EYS: variants seen among roughly 807,000 people sequenced by gnomAD.
EYS encodes the protein protein eyes shut homolog.
In EYS, 250 loss-of-function variants were observed where a neutral mutation model predicts 282.1. That is an observed-to-expected ratio of 0.89 (90% CI 0.80 to 0.98). The LOEUF (loss-of-function observed/expected upper bound fraction) is 0.98, where lower values mean the gene tolerates loss of function less well. Among genes scored for constraint, EYS ranks in the 50% least tolerant of loss-of-function variants. The probability of loss-of-function intolerance (pLI) is 0.00; values close to 1 mark genes in which losing one functional copy is unlikely to be tolerated. For missense variants in EYS, 4,016 were observed against 3,709.0 expected (o/e 1.08, Z -2.15); for synonymous variants, 1,355 against 1,282.9 (o/e 1.06, Z -1.20).
At chr6:64,493,490 G>A (rs1776796128) in intron 26 of EYS, among the ~76,000 whole-genome samples, 1 of 151,448 alleles carries the variant, frequency 6.6e-6, no homozygotes. Context: ...TTCGTTAAAA[G>A]GAAATGTTAT....
intron 13 of EYS, among the ~76,000 whole-genome samples, chr6:65,002,761 C>G (rs969499795): frequency 6.8e-6 from 1 of 147,602 alleles, no homozygotes; most frequent in East Asian, 2.1e-4. Flanking sequence ...GGCAGAAGAA[C>G]GTAGATTGTG....
chr6:63,956,359 A>G (rs980367284), intron 35 of EYS, among the ~76,000 whole-genome samples: 1 of 151,998 alleles, frequency 6.6e-6, no homozygotes, highest in Non-Finnish European at 1.5e-5. Context: ...ACCCCCTTTG[A>G]CTATAATTTC....
At chr6:65,151,452 G>A (rs1257542723) in intron 12 of EYS, among the ~76,000 whole-genome samples, 3 of 151,894 alleles carry the variant, frequency 2.0e-5, no homozygotes, top group Non-Finnish European at 4.4e-5. Flanking sequence ...TCAAGATTTG[G>A]GGAACTAAGT....
intron 19 of EYS, among the ~76,000 whole-genome samples, chr6:64,845,776 A>C (rs147474496): frequency 1.1e-3 from 166 of 152,164 alleles, no homozygotes; most frequent in Middle Eastern, 0.01. Context: ...CTTCTAACAA[A>C]CATCTCATTC....
At chr6:65,432,073 A>C (rs1296488129) in intron 5 of EYS, among the ~76,000 whole-genome samples, 1 of 152,158 alleles carries the variant, frequency 6.6e-6, no homozygotes, top group Non-Finnish European at 1.5e-5. Flanking sequence ...GTTAATTAAA[A>C]TCTTATGATC....
chr6:63,763,544 T>TC (rs1769703718), intron 40 of EYS, among the ~76,000 whole-genome samples: 1 of 151,758 alleles, frequency 6.6e-6, no homozygotes. Flanking sequence ...GGGGGAGGTT[T>TC]CCCCCATCCT....
chr6:65,222,673 A>G (rs952694508), intron 12 of EYS, among the ~76,000 whole-genome samples: 3 of 152,212 alleles, frequency 2.0e-5, no homozygotes, highest in African/African-American at 7.2e-5. Context: ...GGATGCATAT[A>G]TAGTGCTAAG....
At chr6:65,700,068 T>G (rs1769609388) in intron 1 of EYS, among the ~76,000 whole-genome samples, 1 of 125,888 alleles carries the variant, frequency 7.9e-6, no homozygotes, top group South Asian at 2.6e-4. Flanking sequence ...TGAGCGGAGA[T>G]CGTGCCACTG....
At chr6:63,731,776 CCT>C (rs1262540013) in intron 41 of EYS, among the ~76,000 whole-genome samples, 1 of 151,940 alleles carries the variant, frequency 6.6e-6, no homozygotes, top group African/African-American at 2.4e-5. Flanking sequence ...AATAGTTTGT[CCT>C]CTTTGTTTGT....
At chr6:65,095,530 C>T (rs1352739854) in intron 12 of EYS, among the ~76,000 whole-genome samples, 1 of 150,778 alleles carries the variant, frequency 6.6e-6, no homozygotes, top group Non-Finnish European at 1.5e-5. Flanking sequence ...TACATTAAAG[C>T]ATCATGTTGG....
intron 31 of EYS, among the ~76,000 whole-genome samples, chr6:64,136,609 TA>T (rs1285655465): frequency 6.6e-6 from 1 of 152,122 alleles, no homozygotes; most frequent in Non-Finnish European, 1.5e-5. Flanking sequence ...GAAAAAAAAT[TA>T]ATCAACTTGT....
intron 31 of EYS, among the ~76,000 whole-genome samples, chr6:64,100,871 T>TC (rs1772801746): frequency 1.3e-5 from 2 of 152,094 alleles, no homozygotes; most frequent in African/African-American, 4.8e-5. Context: ...TGTTAGGCAC[T>TC]CCCCCTCCTC....
intron 39 of EYS, chr6:63,786,996 C>T (rs1770381665): frequency 6.6e-6 from 1 of 151,920 alleles, no homozygotes; most frequent in African/African-American, 2.4e-5. Context: ...GGAAGGCAGA[C>T]ATTAAGAGAG....
At chr6:65,044,160 T>C (rs1773028325) in intron 13 of EYS, among the ~76,000 whole-genome samples, 2 of 151,854 alleles carry the variant, frequency 1.3e-5, no homozygotes, top group African/African-American at 2.4e-5. Flanking sequence ...CATTTTTAAA[T>C]GTATCTGTTT....
chr6:64,850,994 T>A (rs986940863), intron 19 of EYS, among the ~76,000 whole-genome samples: 2 of 152,126 alleles, frequency 1.3e-5, no homozygotes, highest in African/African-American at 4.8e-5. Flanking sequence ...CTGTTTTAAG[T>A]TCAAAGCCCA....
chr6:64,236,225 G>T (rs963915114), intron 30 of EYS, among the ~76,000 whole-genome samples: 4 of 152,140 alleles, frequency 2.6e-5, no homozygotes, highest in African/African-American at 9.7e-5. Context: ...CATCCGCCTT[G>T]GCCTCCCAAA....
intron 2 of EYS, among the ~76,000 whole-genome samples, chr6:65,500,817 T>C (rs1275490398): frequency 1.3e-5 from 2 of 151,830 alleles, no homozygotes; most frequent in Non-Finnish European, 2.9e-5. Flanking sequence ...GAAGTGATTG[T>C]AGGGAATGTG....
rs1470527861 is a variant in EYS, at chr6:64,591,899, A to G, written c.3968T>C (p.Leu1323Ser). ...TCTAGTGACAATCAGTTCTTGGAGTAAGTAGCTTTCCAAGGGTGTGCTAAT... is the reference window on the plus strand; with the variant it reads ...TCTAGTGACAATCAGTTCTTGGAGTGAGTAGCTTTCCAAGGGTGTGCTAAT... ...LRISTPLESY[L>S]LQELIVTREL... The change falls in exon 26 of 43, where the codon TTA (leucine) becomes TCA (serine). Residue 1323 changes from leucine to serine, a missense_variant. Leu to Ser is a moderately radical substitution (Grantham distance 145). Transcript: ENST00000503581. The G allele has an allele frequency of 2.6e-6, 4 of 1,550,282 alleles. No individual in the cohort carries two copies. Among genetic ancestry groups the G allele is most frequent in the Non-Finnish European group, 2.6e-6 (3 of 1,146,182 alleles).
chr6:65,397,592 G>A (rs1300951883), intron 7 of EYS, among the ~76,000 whole-genome samples: 1 of 33,140 alleles, frequency 3.0e-5, no homozygotes, highest in Non-Finnish European at 1.1e-4. Flanking sequence ...TGGTGTGTGT[G>A]TGTGTGTGTG....
Sources: gnomAD v4.1 joint callset for allele counts (sites outside exome capture counted in the v4.1 genomes callset) on GRCh38, gnomAD v4.1.1 for gene constraint, MANE v1.5 for transcripts, NCBI Gene and HGNC (gene_info 2026-07-23, HGNC 2026-07-21) for gene names.